The following EIF3B variants were observed in gnomAD, a reference collection of about 807,000 sequenced individuals.
The protein encoded by EIF3B is eukaryotic translation initiation factor 3 subunit B.
In EIF3B, 10 loss-of-function variants were observed where a neutral mutation model predicts 104.6. The observed-to-expected ratio is 0.10, with a 90% CI of 0.06 to 0.16. The LOEUF (loss-of-function observed/expected upper bound fraction) is 0.16. Among genes scored for constraint, EIF3B ranks in the 10% least tolerant of loss-of-function variants. The pLI is 1.00. For missense variants in EIF3B, 1,014 were observed against 1,087.9 expected (o/e 0.93, Z 0.96); for synonymous variants, 542 against 417.2 (o/e 1.30, Z -3.65).
At chr7:2,364,131 A>G (rs1006865037) in intron 5 of EIF3B, among the ~76,000 whole-genome samples, 7 of 152,298 alleles carry the variant, frequency 4.6e-5, no homozygotes, top group East Asian at 1.9e-4. Context: ...GCATGGTGGC[A>G]GGCACCTGTA....
intron 10 of EIF3B, among the ~76,000 whole-genome samples, chr7:2,371,179 C>T (rs993338797): frequency 1.4e-4 from 21 of 152,262 alleles, no homozygotes; most frequent in Admixed American, 1.2e-3. Context: ...CTATTCTGAA[C>T]ACACAGCTGG....
chr7:2,362,871 A>G lies in EIF3B; in HGVS notation c.812+107A>G. 12 of 1,542,070 alleles carry G rather than the reference A, an allele frequency of 7.8e-6. No individual in the cohort carries two copies. In the South Asian group the frequency reaches 1.0e-4, roughly 13 times the overall value. ...TGCTGGTGTCTGTCAGATTGTTCAC[A>G]TCCTTTCTGGTCAGGCTGCCGCAGA... On this transcript the variant is annotated intron_variant, in intron 3 of 18. Coordinates refer to ENST00000360876, the MANE Select transcript of EIF3B (RefSeq NM_001037283.2).
At position 2,363,776 on chromosome 7, in the gene EIF3B, T is replaced by C; in HGVS notation, c.999+16T>C. On this transcript the variant is annotated intron_variant, in intron 5 of 18. Transcript: ENST00000360876. Reference sequence around the variant, plus strand: ...AGAAAGAGCGGTGTGTATTTGCTGCTGCTGGGGGCGGGGACTCACCTCTCC... The same window carrying C: ...AGAAAGAGCGGTGTGTATTTGCTGCCGCTGGGGGCGGGGACTCACCTCTCC... 1.2e-6 allele frequency: 2 copies of C among 1,610,934 alleles called. No individual in the cohort carries two copies. The highest frequency in any genetic ancestry group is 1.1e-5 in the South Asian group (1 of 90,566).
At chr7:2,361,340 C>G (rs896483306) in intron 2 of EIF3B, among the ~76,000 whole-genome samples, 1 of 152,194 alleles carries the variant, frequency 6.6e-6, no homozygotes, top group Admixed American at 6.5e-5. Context: ...GCTGCATTTT[C>G]TGTGTTGGGC....
chr7:2,365,676 T>TTG (rs1554274021), intron 6 of EIF3B, among the ~76,000 whole-genome samples: 3 of 72,716 alleles, frequency 4.1e-5, no homozygotes, highest in African/African-American at 2.9e-4. Flanking sequence ...TGTTTGTTTG[T>TTG]TTTGTTTTTT....
rs761978119 is a variant in EIF3B at position 2,371,797 on chromosome 7, A to G, written c.1635A>G (p.Glu545=). The change falls in exon 11 of 19, where the codon GAA becomes GAG. Residue 545 remains glutamate (E), a synonymous_variant. Coordinates refer to ENST00000360876, the MANE Select transcript of EIF3B (RefSeq NM_001037283.2). The stretch of plus-strand genomic sequence containing the variant: ...AACAGGGTGTTGTCACAAATTTTGA[A>G]ATTTTCCGAATGAGGGAGAAACAGG... ...KGTQGVVTNF[E]IFRMREKQVP... 4 of 1,613,738 alleles carry G rather than the reference A, an allele frequency of 2.5e-6. No individual in the cohort carries two copies. The Admixed American group carries it at 6.7e-5, about 27-fold the overall frequency.
intron 14 of EIF3B, chr7:2,375,878 G>T (rs1373571851): frequency 1.3e-5 from 3 of 227,080 alleles, no homozygotes; most frequent in Non-Finnish European, 2.6e-5. Flanking sequence ...GGGGTCAGTG[G>T]TTGAGTCCAG....
At chr7:2,366,642 C>A (rs367860910) in intron 8 of EIF3B, 51 bp downstream of exon 8, 1 of 1,599,206 alleles carries the variant, frequency 6.3e-7, no homozygotes, top group Non-Finnish European at 8.6e-7. Flanking sequence ...TGCTTGTAAC[C>A]GGGGTGTGGT....
rs111459578 is a variant in EIF3B at position 2,358,151 on chromosome 7, A to G, written c.500-2559A>G. ...ATTCTCTTGCTCAGACTGGAGTGCA[A>G]TGGCTCACCGCAGCCTCTGCCTCCC... On this transcript the variant is annotated intron_variant, in intron 1 of 18. Transcript: ENST00000360876. Among the ~76,000 whole-genome samples the G allele has an allele frequency of 4.2e-3, 645 of 151,980 alleles. 4 individuals are homozygous for G. The highest frequency in any genetic ancestry group is 0.015 in the African/African-American group (612 of 41,420).
At position 2,380,328 on chromosome 7, in the gene EIF3B, G is replaced by T. The variant is rs1364839793; in HGVS notation, c.*139G>T. The T allele has an allele frequency of 1.4e-5, 7 of 518,216 alleles. No individual in the cohort carries two copies. Among genetic ancestry groups the T allele is most frequent in the African/African-American group, 5.8e-5 (3 of 51,976 alleles). The allele number at this position is 518,216 out of a possible 1,614,324, so 32.1% of individuals were successfully genotyped here. A position where few individuals can be genotyped will look rare whatever the true frequency, so the allele number is the denominator to read the frequency against. Reference sequence around the variant, plus strand: ...GAGGCCGTCCTGCAGGAAGCCGCGTGACTCCCGCCTCCTCCCTGTGCTCTC... The same window carrying T: ...GAGGCCGTCCTGCAGGAAGCCGCGTTACTCCCGCCTCCTCCCTGTGCTCTC... On this transcript the variant is annotated 3_prime_UTR_variant, in exon 19 of 19. Transcript: ENST00000360876.
rs774094818 is a variant in EIF3B at position 2,369,490 on chromosome 7, T to G, written c.1422T>G (p.Pro474=). 1 of 1,614,274 alleles carries G rather than the reference T, an allele frequency of 6.2e-7. No homozygotes were observed. Residue 474 remains proline (P), a synonymous_variant, in exon 10 of 19, where the codon CCT becomes CCG. Transcript: ENST00000360876. ...TCTGCAGAGACTTTTCTTGGTCTCC[T>G]GGTGGTAACATAATCGCCTTCTGGG... ...ISGIKDFSWS[P]GGNIIAFWVP...
chr7:2,360,357 G>A (rs1000616441), intron 1 of EIF3B, among the ~76,000 whole-genome samples: 5 of 152,226 alleles, frequency 3.3e-5, no homozygotes, highest in African/African-American at 1.2e-4. Flanking sequence ...TCAAAATCTA[G>A]GCATCTCTGG....
chr7:2,364,882 T>C (rs923877029), intron 6 of EIF3B, among the ~76,000 whole-genome samples: 21 of 152,390 alleles, frequency 1.4e-4, no homozygotes, highest in African/African-American at 4.6e-4. Flanking sequence ...ATTCTGATTT[T>C]GTTACTTGAC....
chr7:2,370,477 C>A (rs1408041952), intron 10 of EIF3B, among the ~76,000 whole-genome samples: 1 of 151,704 alleles, frequency 6.6e-6, no homozygotes, highest in Non-Finnish European at 1.5e-5. Flanking sequence ...CAGACTGCGT[C>A]TCACAAAAAA....
chr7:2,363,311 C>T (rs571907610), intron 4 of EIF3B, among the ~76,000 whole-genome samples, 184 bp downstream of exon 4: 1 of 151,982 alleles, frequency 6.6e-6, no homozygotes, highest in African/African-American at 2.4e-5. Context: ...TAAATACATA[C>T]ATTAGCTGGG....
rs13236945 is a variant in EIF3B at position 2,377,924 on chromosome 7, A to C, written c.2155-765A>C. ...ATGACCCTGGGTGTCGAGGAAGGAGAAGGCGCGAGCACTGCTGGGATGCCG... is the reference window on the plus strand; with the variant it reads ...ATGACCCTGGGTGTCGAGGAAGGAGCAGGCGCGAGCACTGCTGGGATGCCG... On this transcript the variant is annotated intron_variant, in intron 15 of 18. Transcript: ENST00000360876. The C allele has an allele frequency of 1.2e-3, 29 of 23,366 alleles. 1 individual carries two copies. The highest frequency in any genetic ancestry group is 6.4e-3 in the Admixed American group (9 of 1,416). The allele number at this position is 23,366 out of a possible 1,614,324, so 1.4% of individuals were successfully genotyped here. A position where few individuals can be genotyped will look rare whatever the true frequency, so the allele number is the denominator to read the frequency against.
At position 2,379,384 on chromosome 7, in the gene EIF3B, G is replaced by C; in HGVS notation, c.2342-10G>C. 1 of 1,579,596 alleles carries C rather than the reference G, an allele frequency of 6.3e-7. No individual in the cohort carries two copies. Among genetic ancestry groups the C allele is most frequent in the Non-Finnish European group, 8.6e-7 (1 of 1,161,834 alleles). Reference sequence around the variant, plus strand: ...CCCCCATGGGTGATCTGCGCCCTTTGTCCCCTCAGGGGTGGACACTGACGA... The same window carrying C: ...CCCCCATGGGTGATCTGCGCCCTTTCTCCCCTCAGGGGTGGACACTGACGA... On this transcript the variant is annotated splice_polypyrimidine_tract_variant and intron_variant, in intron 17 of 18. Transcript: ENST00000360876.
chr7:2,361,477 T>C (rs879354311), intron 2 of EIF3B, among the ~76,000 whole-genome samples: 18 of 152,116 alleles, frequency 1.2e-4, no homozygotes, highest in African/African-American at 3.4e-4. Flanking sequence ...TGGAGTGCAG[T>C]GTCGCAATCT....
In EIF3B at chr7:2,376,851, C is replaced by T. The variant is rs373510867; in HGVS notation, c.2029-99C>T. 4.2e-4 allele frequency: 627 copies of T among 1,505,622 alleles called. 1 individual carries two copies. The highest frequency in any genetic ancestry group is 5.3e-4 in the Non-Finnish European group (591 of 1,114,074). 93.3% of individuals were successfully genotyped at this position (1,505,622 alleles called of 1,614,324 possible). A position where few individuals can be genotyped will look rare whatever the true frequency, so the allele number is the denominator to read the frequency against. On this transcript the variant is annotated intron_variant, in intron 14 of 18. Coordinates refer to ENST00000360876, the MANE Select transcript of EIF3B (RefSeq NM_001037283.2). ...CAGGCAGAGCTTTGTTTGCTTCACA[C>T]GTGTCCCCGATACCCAGGACCTTGT...
Sources: allele counts gnomAD v4.1 joint callset (sites outside exome capture counted in the v4.1 genomes callset), GRCh38; gene constraint gnomAD v4.1.1; transcripts MANE v1.5; gene names NCBI Gene and HGNC (gene_info 2026-07-23, HGNC 2026-07-21).